MALRD1: variants seen among roughly 807,000 people sequenced by gnomAD.
MALRD1 encodes MAM and LDL receptor class A domain containing 1, also known as MAM and LDL-receptor class A domain-containing protein 1.
Under a neutral mutation model 242.1 loss-of-function variants are expected in MALRD1, and 247 were observed. The ratio of observed to expected loss-of-function variants is 1.02; its 90% CI spans 0.92 to 1.13. The LOEUF is 1.13. Ranked by LOEUF, MALRD1 falls within the 50% of genes most tolerant of loss-of-function variation. MALRD1 has a pLI of 0.00. For synonymous variants in MALRD1, 995 were observed against 866.6 expected (o/e 1.15, Z -2.60); for missense variants, 2,989 against 2,533.1 (o/e 1.18, Z -3.86).
At chr10:19,719,141 G>A (rs1235190512) in intron 38 of MALRD1, among the ~76,000 whole-genome samples, 1 of 120,804 alleles carries the variant, frequency 8.3e-6, no homozygotes, top group Non-Finnish European at 1.7e-5. Flanking sequence ...AGCAGAGCAA[G>A]ACACTGTCCA....
chr10:19,607,735 A>AG (rs1356456055), intron 34 of MALRD1, 42 bp from the exon 35 acceptor site: 5 of 1,525,530 alleles, frequency 3.3e-6, no homozygotes, highest in Non-Finnish European at 4.4e-6. Context: ...ACAAAAAAAA[A>AG]TCATGCTGGC....
chr10:19,721,506 A>C (rs1834750839), intron 38 of MALRD1: 1 of 152,190 alleles, frequency 6.6e-6, no homozygotes, highest in African/African-American at 2.4e-5. Flanking sequence ...TCCTTTAAAA[A>C]AAAAAAGTCA....
chr10:19,205,566 T>C (rs1390630691), intron 17 of MALRD1, among the ~76,000 whole-genome samples: 1 of 151,716 alleles, frequency 6.6e-6, no homozygotes, highest in Non-Finnish European at 1.5e-5. Context: ...AAAAATGAAA[T>C]GGTAGCTTTG....
rs1397416250 is a variant in MALRD1 at position 19,692,509 on chromosome 10, C to T, written c.6269C>T (p.Thr2090Ile). 1.3e-6 allele frequency: 2 copies of T among 1,535,834 alleles called. No individual in the cohort carries two copies. The highest frequency in any genetic ancestry group is 2.7e-5 in the African/African-American group (2 of 72,980). ...IGLAFLMTHITVAVLCFLANR... is the reference protein window; with the variant it reads ...IGLAFLMTHIIVAVLCFLANR... ...TTAGCATTCCTGATGACTCACATCACAGTTGCAGTCTTGTGTTTTCTTGCA... is the reference window on the plus strand; with the variant it reads ...TTAGCATTCCTGATGACTCACATCATAGTTGCAGTCTTGTGTTTTCTTGCA... The change falls in exon 38 of 40, where the codon ACA becomes ATA. Residue 2090 changes from threonine (T) to isoleucine (I), a missense_variant. Coordinates refer to ENST00000454679, the MANE Select transcript of MALRD1 (RefSeq NM_001142308.3).
chr10:19,478,074 C>T (rs977269979), intron 29 of MALRD1, among the ~76,000 whole-genome samples: 2 of 152,168 alleles, frequency 1.3e-5, no homozygotes, highest in Non-Finnish European at 2.9e-5. Flanking sequence ...TCGGGGGCTG[C>T]TTTTATTAAA....
intron 32 of MALRD1, among the ~76,000 whole-genome samples, chr10:19,564,852 C>A (rs2131452881): frequency 6.6e-6 from 1 of 152,180 alleles, no homozygotes; most frequent in African/African-American, 2.4e-5. Context: ...ACAATAATAT[C>A]ATTTCTATTG....
At chr10:19,146,168 C>A in intron 10 of MALRD1, 30 bp from the exon 11 acceptor site, 1 of 1,231,362 alleles carries the variant, frequency 8.1e-7, no homozygotes, top group African/African-American at 1.6e-5. Context: ...TTCATTTCTC[C>A]TCACCTGTTT....
At chr10:19,677,593 A>C (rs2131781246) in intron 36 of MALRD1, among the ~76,000 whole-genome samples, 1 of 152,266 alleles carries the variant, frequency 6.6e-6, no homozygotes, top group Non-Finnish European at 1.5e-5. Flanking sequence ...AATAGTTGCA[A>C]AAATTTTCTC....
intron 33 of MALRD1, among the ~76,000 whole-genome samples, chr10:19,587,105 C>T (rs1340100134): frequency 6.6e-6 from 1 of 152,214 alleles, no homozygotes; most frequent in Non-Finnish European, 1.5e-5. Flanking sequence ...TGCATGCACC[C>T]ACTGACCTGC....
chr10:19,109,211 G>A (rs989164623), intron 5 of MALRD1, among the ~76,000 whole-genome samples: 1 of 152,180 alleles, frequency 6.6e-6, no homozygotes, highest in African/African-American at 2.4e-5. Flanking sequence ...CTGGGGGTGG[G>A]GATGCTGGGC....
intron 18 of MALRD1, among the ~76,000 whole-genome samples, chr10:19,228,496 A>G (rs1028100357): frequency 2.0e-5 from 3 of 152,178 alleles, no homozygotes; most frequent in Non-Finnish European, 4.4e-5. Context: ...ATCTGCCATA[A>G]CCCATTAAAT....
At chr10:19,653,407 C>G (rs200593759) in intron 36 of MALRD1, among the ~76,000 whole-genome samples, 2 of 152,098 alleles carry the variant, frequency 1.3e-5, no homozygotes. Context: ...CTGTGTTACC[C>G]AGGCTGGTCT....
chr10:19,156,613 T>G (rs937403813), intron 12 of MALRD1, among the ~76,000 whole-genome samples: 1 of 152,182 alleles, frequency 6.6e-6, no homozygotes, highest in Non-Finnish European at 1.5e-5. Context: ...GAATATGATG[T>G]GTTAATTCTG....
chr10:19,552,824 C>T (rs1482657435), intron 32 of MALRD1, among the ~76,000 whole-genome samples: 1 of 152,006 alleles, frequency 6.6e-6, no homozygotes, highest in Non-Finnish European at 1.5e-5. Context: ...TGCTCTCCTG[C>T]CCTCCTTCTC....
At chr10:19,273,815 T>A (rs1840371692) in intron 19 of MALRD1, among the ~76,000 whole-genome samples, 1 of 152,114 alleles carries the variant, frequency 6.6e-6, no homozygotes, top group Non-Finnish European at 1.5e-5. Flanking sequence ...CTGACAGGAA[T>A]AGGGTGTCAG....
At chr10:19,458,758 A>G (rs189298000) in intron 29 of MALRD1, among the ~76,000 whole-genome samples, 201 of 152,254 alleles carry the variant, frequency 1.3e-3, no homozygotes, top group African/African-American at 4.2e-3. Flanking sequence ...TTCAAAAGTA[A>G]GTCTCATCAG....
intron 29 of MALRD1, among the ~76,000 whole-genome samples, chr10:19,490,450 T>G (rs1394231102): frequency 7.1e-6 from 1 of 140,060 alleles, no homozygotes; most frequent in Non-Finnish European, 1.5e-5. Context: ...TTAAAACTGA[T>G]GTAAACAGTC....
At chr10:19,183,931 A>G (rs1835630851) in intron 14 of MALRD1, among the ~76,000 whole-genome samples, 1 of 152,188 alleles carries the variant, frequency 6.6e-6, no homozygotes, top group South Asian at 2.1e-4. Flanking sequence ...CTGCCAGTTA[A>G]AACACCACAC....
At chr10:19,297,458 C>A (rs1474913024) in intron 21 of MALRD1, among the ~76,000 whole-genome samples, 1 of 151,472 alleles carries the variant, frequency 6.6e-6, no homozygotes, top group Non-Finnish European at 1.5e-5. Flanking sequence ...AAGAGTAGTG[C>A]AGTTTGTGGA....
Sources: gnomAD v4.1 joint callset for allele counts (sites outside exome capture counted in the v4.1 genomes callset) on GRCh38, gnomAD v4.1.1 for gene constraint, MANE v1.5 for transcripts, NCBI Gene and HGNC (gene_info 2026-07-23, HGNC 2026-07-21) for gene names.